The following LRRC4C variants were observed in gnomAD, a reference collection of about 807,000 sequenced individuals.
LRRC4C encodes the protein leucine rich repeat containing 4C, also known as leucine-rich repeat-containing protein 4C.
A neutral mutation model predicts 33.6 loss-of-function variants in LRRC4C; 5 were observed. That is an observed-to-expected ratio of 0.15 (90% CI 0.08 to 0.31). The LOEUF (loss-of-function observed/expected upper bound fraction) is 0.31, where lower values mean the gene tolerates loss of function less well. Ranked by LOEUF, LRRC4C falls within the 10% of genes least tolerant of loss-of-function variation. The pLI, the probability that LRRC4C is intolerant of heterozygous loss-of-function variation, is 1.00. For synonymous variants in LRRC4C, 329 were observed against 302.0 expected, an observed-to-expected ratio of 1.09 and a Z score of -0.93; for missense variants, 560 against 796.7, an observed-to-expected ratio of 0.70 and a Z score of 3.58.
chr11:41,194,440 T>G (rs760742755), intron 1 of LRRC4C, among the ~76,000 whole-genome samples: 7 of 152,100 alleles, frequency 4.6e-5, no homozygotes, highest in Non-Finnish European at 1.0e-4. Flanking sequence ...AACCTATGAC[T>G]CGATTCTAAC....
At chr11:41,453,866 C>T (rs951495089) in intron 1 of LRRC4C, among the ~76,000 whole-genome samples, 1 of 152,070 alleles carries the variant, frequency 6.6e-6, no homozygotes, top group Admixed American at 6.6e-5. Context: ...GCTTCAACCA[C>T]AAATTCTGAT....
At chr11:40,792,688 G>A (rs963722126) in intron 2 of LRRC4C, among the ~76,000 whole-genome samples, 7 of 152,182 alleles carry the variant, frequency 4.6e-5, no homozygotes, top group African/African-American at 7.2e-5. Flanking sequence ...ACATGCACAC[G>A]TATGTTTATT....
chr11:41,109,685 A>G (rs569514332), intron 1 of LRRC4C, among the ~76,000 whole-genome samples: 3 of 152,210 alleles, frequency 2.0e-5, no homozygotes, highest in African/African-American at 7.2e-5. Context: ...CTAGTTTTAC[A>G]TTTACATTTT....
At chr11:40,354,562 T>G (rs2137112112) in intron 3 of LRRC4C, among the ~76,000 whole-genome samples, 1 of 152,258 alleles carries the variant, frequency 6.6e-6, no homozygotes, top group South Asian at 2.1e-4. Flanking sequence ...ACAAAGTTCT[T>G]CCTATCCTTT....
chr11:40,225,739 C>T (rs1441665514), intron 5 of LRRC4C, among the ~76,000 whole-genome samples: 2 of 151,964 alleles, frequency 1.3e-5, no homozygotes, highest in Non-Finnish European at 2.9e-5. Context: ...GCCTCAGCCT[C>T]CCAAGTAGCT....
chr11:41,036,469 G>A lies in LRRC4C; in HGVS notation c.-495-102746C>T, dbSNP rs1010965368. Among the ~76,000 whole-genome samples, 9 of 152,056 alleles carry A rather than the reference G, an allele frequency of 5.9e-5. No homozygotes were observed. In the East Asian group the frequency reaches 1.5e-3, roughly 26 times the overall value. Reference sequence around the variant, plus strand: ...AGAAACCCATAGGGTCTTTTGTAGTGGGTTCCTGTAACTATTTATGCTGAT... The same window carrying A: ...AGAAACCCATAGGGTCTTTTGTAGTAGGTTCCTGTAACTATTTATGCTGAT... On this transcript the variant is annotated intron_variant, in intron 1 of 6. Transcript: ENST00000528697.
chr11:40,206,788 TG>T (rs1863189288), intron 5 of LRRC4C, among the ~76,000 whole-genome samples: 1 of 139,760 alleles, frequency 7.2e-6, no homozygotes. Flanking sequence ...GTGGAAGTGT[TG>T]GGGGTGGGGA....
At chr11:41,274,255 A>G (rs1949409978) in intron 1 of LRRC4C, among the ~76,000 whole-genome samples, 2 of 152,118 alleles carry the variant, frequency 1.3e-5, no homozygotes, top group South Asian at 4.1e-4. Flanking sequence ...AACCCAACAG[A>G]TGGTTCTGAA....
At chr11:40,443,730 A>T (rs148595100) in intron 3 of LRRC4C, among the ~76,000 whole-genome samples, 185 of 152,328 alleles carry the variant, frequency 1.2e-3, no homozygotes, top group African/African-American at 4.2e-3. Context: ...GAAGGTAGCA[A>T]TATGAAGCAG....
intron 2 of LRRC4C, among the ~76,000 whole-genome samples, chr11:40,869,344 G>C (rs1268390061): frequency 6.6e-6 from 1 of 152,054 alleles, no homozygotes; most frequent in Admixed American, 6.6e-5. Context: ...CATAAGCAGG[G>C]GCAGGAGAGG....
intron 2 of LRRC4C, among the ~76,000 whole-genome samples, chr11:40,855,713 A>C (rs1180298053): frequency 6.6e-6 from 1 of 152,074 alleles, no homozygotes; most frequent in Non-Finnish European, 1.5e-5. Flanking sequence ...TATTTATGAG[A>C]CTGAGCCTGT....
chr11:41,341,807 A>G (rs1951647780), intron 1 of LRRC4C, among the ~76,000 whole-genome samples: 1 of 152,216 alleles, frequency 6.6e-6, no homozygotes, highest in South Asian at 2.1e-4. Context: ...TTCTGGCCAT[A>G]ATCTCTATCT....
chr11:40,228,406 T>C (rs1244517465), intron 5 of LRRC4C, among the ~76,000 whole-genome samples: 1 of 152,040 alleles, frequency 6.6e-6, no homozygotes, highest in Non-Finnish European at 1.5e-5. Context: ...CAAGATGCAC[T>C]GTCATGTGCA....
At chr11:40,776,665 T>A (rs1222168931) in intron 2 of LRRC4C, among the ~76,000 whole-genome samples, 2 of 152,094 alleles carry the variant, frequency 1.3e-5, no homozygotes, top group Admixed American at 1.3e-4. Flanking sequence ...TTGTTTATAC[T>A]TTCCAAAGAA....
At chr11:40,431,108 A>T (rs574396977) in intron 3 of LRRC4C, among the ~76,000 whole-genome samples, 58 of 1,112 alleles carry the variant, frequency 0.052, no homozygotes, top group Non-Finnish European at 0.2. Flanking sequence ...AAAAAAAAAA[A>T]AAAAAAATAA....
chr11:41,322,636 G>T (rs1950992099), intron 1 of LRRC4C, among the ~76,000 whole-genome samples: 1 of 152,072 alleles, frequency 6.6e-6, no homozygotes, highest in Non-Finnish European at 1.5e-5. Flanking sequence ...AAACATACGG[G>T]TGTCTATCAC....
At chr11:40,491,046 G>A (rs1954124300) in intron 3 of LRRC4C, among the ~76,000 whole-genome samples, 1 of 152,130 alleles carries the variant, frequency 6.6e-6, no homozygotes, top group Non-Finnish European at 1.5e-5. Flanking sequence ...CACTTTGGAA[G>A]ACTGAGGTGG....
At chr11:40,184,560 C>T (rs779485592) in intron 5 of LRRC4C, among the ~76,000 whole-genome samples, 1 of 152,172 alleles carries the variant, frequency 6.6e-6, no homozygotes, top group Admixed American at 6.5e-5. Context: ...ACTTCACAAG[C>T]ATCTGTGGCA....
chr11:40,742,224 A>AT (rs1221235147), intron 2 of LRRC4C, among the ~76,000 whole-genome samples: 1 of 151,940 alleles, frequency 6.6e-6, no homozygotes, highest in Admixed American at 6.6e-5. Context: ...CATCATTGAG[A>AT]TTTTTTTAAA....
Sources: gnomAD v4.1 joint callset for allele counts (sites outside exome capture counted in the v4.1 genomes callset) on GRCh38, gnomAD v4.1.1 for gene constraint, MANE v1.5 for transcripts, NCBI Gene and HGNC (gene_info 2026-07-23, HGNC 2026-07-21) for gene names.